The following MAJIN variants were observed in gnomAD, a reference collection of about 807,000 sequenced individuals.
MAJIN encodes the protein membrane-anchored junction protein.
In MAJIN, 27 loss-of-function variants were observed where a neutral mutation model predicts 30.2. That is an observed-to-expected ratio of 0.89 (90% confidence interval 0.66 to 1.23). The LOEUF (loss-of-function observed/expected upper bound fraction) is 1.23. MAJIN is among the 50% of genes most tolerant of loss of function. The pLI is 0.00. For missense variants in MAJIN, 253 were observed against 260.3 expected, an observed-to-expected ratio of 0.97 and a Z score of 0.19; for synonymous variants, 78 against 91.6, an observed-to-expected ratio of 0.85 and a Z score of 0.85.
chr11:64,951,396 A>G (rs1020940640), intron 4 of MAJIN, among the ~76,000 whole-genome samples: 1 of 152,134 alleles, frequency 6.6e-6, no homozygotes, highest in Non-Finnish European at 1.5e-5. Context: ...TTCTGTGGGG[A>G]AAAAAGTCTC....
Position 64,952,348 on chromosome 11 carries a change from T to C in MAJIN, c.148-1918A>G, listed in dbSNP as rs1487256657. ...GATTACAGGTGCCTGCCACCACACC[T>C]GGCTAACTTTTGTATTTTTGGTAGA... is the stretch of plus-strand genomic sequence containing the variant. On this transcript the variant is annotated intron_variant, in intron 4 of 10. Transcript: ENST00000301896. 6.6e-5 allele frequency among the ~76,000 whole-genome samples: 10 copies of C among 151,372 alleles called. No individual in the cohort carries two copies. In the East Asian group the frequency reaches 2.0e-3, roughly 30 times the overall value.
chr11:64,947,484 G>T lies in MAJIN; in HGVS notation c.382-19C>A, dbSNP rs756792492. 1.4e-5 allele frequency: 23 copies of T among 1,601,574 alleles called. No homozygotes were observed. Among genetic ancestry groups the T allele is most frequent in the Middle Eastern group, 3.3e-4 (2 of 6,056 alleles). Reference sequence around the variant, plus strand: ...CTGGGACCTTCAGGAGGAAGCAGATGCCTGTGACTCCTCCTTTCCAGAGTT... The same window carrying T: ...CTGGGACCTTCAGGAGGAAGCAGATTCCTGTGACTCCTCCTTTCCAGAGTT... On this transcript the variant is annotated intron_variant, in intron 7 of 10. Transcript: ENST00000301896.
chr11:64,949,623 T>C (rs1001107354), intron 6 of MAJIN, 120 bp downstream of exon 6: 5 of 1,295,290 alleles, frequency 3.9e-6, no homozygotes, highest in East Asian at 2.3e-5. Context: ...CTGGAGCACA[T>C]GATCCTGACC....
At chr11:64,961,113 A>G (rs1435101625) in intron 1 of MAJIN, among the ~76,000 whole-genome samples, 1 of 151,636 alleles carries the variant, frequency 6.6e-6, no homozygotes. Flanking sequence ...TTAGACTTAC[A>G]TTGCTGCCAC....
At chr11:64,951,006 C>T (rs1230258514) in intron 4 of MAJIN, among the ~76,000 whole-genome samples, 1 of 152,180 alleles carries the variant, frequency 6.6e-6, no homozygotes, top group African/African-American at 2.4e-5. Flanking sequence ...GGCATCTCCT[C>T]CAGAAATCTT....
At chr11:64,961,768 G>T (rs1018001205) in intron 1 of MAJIN, among the ~76,000 whole-genome samples, 1 of 149,630 alleles carries the variant, frequency 6.7e-6, no homozygotes, top group African/African-American at 2.5e-5. Flanking sequence ...GAGCCACTGC[G>T]CCTGGCTCTT....
In MAJIN at chr11:64,938,544, C is replaced by T. The variant is rs2136702998; in HGVS notation, c.*31G>A. 1 of 1,535,902 alleles carries T rather than the reference C, an allele frequency of 6.5e-7. No homozygotes were observed. The highest frequency in any genetic ancestry group is 1.2e-5 in the South Asian group (1 of 84,054). On this transcript the variant is annotated 3_prime_UTR_variant, in exon 11 of 11. Coordinates refer to ENST00000301896, the MANE Select transcript of MAJIN (RefSeq NM_001037225.3). Reference sequence around the variant, plus strand: ...GAAGGCTCAAGAGTGGCTGCTCTTCCTGAAGAAATATCGAAACGGGAAGAG... The same window carrying T: ...GAAGGCTCAAGAGTGGCTGCTCTTCTTGAAGAAATATCGAAACGGGAAGAG...
In MAJIN at chr11:64,947,398, G is replaced by A. The variant is rs1565125291; in HGVS notation, c.449C>T (p.Ser150Phe). ...CCTGTCCAGCCCTGGCCTGCTGGGG[G>A]AGCTGGGCTCGTCCATGTGTTTTCG... ...RKRKHMDEPS[S>F]PSRPGLDRIG... The change falls in exon 8 of 11, where the codon TCC becomes TTC. Residue 150 changes from serine (S) to phenylalanine (F), a missense_variant. Coordinates refer to ENST00000301896, the MANE Select transcript of MAJIN (RefSeq NM_001037225.3). 1 of 1,613,646 alleles carries A rather than the reference G, an allele frequency of 6.2e-7. No homozygotes were observed. The highest frequency in any genetic ancestry group is 8.5e-7 in the Non-Finnish European group (1 of 1,180,036).
intron 4 of MAJIN, 148 bp from the exon 5 acceptor site, chr11:64,950,578 TTTTCTTTC>T: frequency 2.0e-5 from 12 of 599,500 alleles, no homozygotes; most frequent in Non-Finnish European, 3.2e-5. Context: ...CTCCATTTCT[TTTTCTTTC>T]TTTCTTTCTT....
intron 1 of MAJIN, among the ~76,000 whole-genome samples, chr11:64,960,424 C>T (rs1945704573): frequency 6.6e-6 from 1 of 152,148 alleles, no homozygotes; most frequent in African/African-American, 2.4e-5. Context: ...AGTTTAATCT[C>T]ACTTAATCCT....
At chr11:64,962,231 T>G (rs149723884) in intron 1 of MAJIN, among the ~76,000 whole-genome samples, 189 of 152,364 alleles carry the variant, frequency 1.2e-3, no homozygotes, top group African/African-American at 4.3e-3. Context: ...CAGCTGGCTG[T>G]CTGAAAGAAG....
intron 8 of MAJIN, among the ~76,000 whole-genome samples, chr11:64,941,882 G>A (rs1304502826): frequency 2.0e-5 from 3 of 152,170 alleles, no homozygotes; most frequent in Non-Finnish European, 4.4e-5. Flanking sequence ...CATGATGTAT[G>A]AGGGTACAGT....
At position 64,959,499 on chromosome 11, in the gene MAJIN, T is replaced by C. The variant is rs1945690575; in HGVS notation, c.-17-77A>G. The C allele has an allele frequency of 2.6e-5, 29 of 1,103,162 alleles. No homozygotes were observed. The South Asian group carries it at 3.9e-4, about 15-fold the overall frequency. 68.3% of individuals were successfully genotyped at this position (1,103,162 alleles called of 1,614,324 possible). A position where few individuals can be genotyped will look rare whatever the true frequency, so the allele number is the denominator to read the frequency against. Reference sequence around the variant, plus strand: ...TACAGGAAAGGGAACCTGCCCAATCTGTAACATCTCTTCATGAGTAAAATG... The same window carrying C: ...TACAGGAAAGGGAACCTGCCCAATCCGTAACATCTCTTCATGAGTAAAATG... On this transcript the variant is annotated intron_variant, in intron 2 of 10. Coordinates refer to ENST00000301896, the MANE Select transcript of MAJIN (RefSeq NM_001037225.3).
Position 64,947,401 on chromosome 11 carries a change from C to A in MAJIN, c.446G>T (p.Ser149Ile). The A allele has an allele frequency of 6.2e-7, 1 of 1,613,660 alleles. No homozygotes were observed. Among genetic ancestry groups the A allele is most frequent in the Non-Finnish European group, 8.5e-7 (1 of 1,180,022 alleles). The stretch of plus-strand genomic sequence containing the variant: ...GTCCAGCCCTGGCCTGCTGGGGGAG[C>A]TGGGCTCGTCCATGTGTTTTCGTTT... ...MRKRKHMDEP[S>I]SPSRPGLDRI... The change falls in exon 8 of 11, where the codon AGC becomes ATC. Residue 149 changes from serine to isoleucine, a missense_variant. By Grantham distance (142) the Ser-to-Ile change is moderately radical (BLOSUM62 -2). Transcript: ENST00000301896.
At position 64,948,801 on chromosome 11, in the gene MAJIN, C is replaced by T. The variant is rs183086767; in HGVS notation, c.349+942G>A. Among the ~76,000 whole-genome samples the T allele has an allele frequency of 3.4e-5, 5 of 147,654 alleles. 1 individual carries two copies. The East Asian group carries it at 6.1e-4, about 18-fold the overall frequency. ...CTTCCTGAGTAGCTGGGATTAGAGGCGCACACCACCACGCCTGGCTAAATT... is the reference window on the plus strand; with the variant it reads ...CTTCCTGAGTAGCTGGGATTAGAGGTGCACACCACCACGCCTGGCTAAATT... On this transcript the variant is annotated intron_variant, in intron 6 of 10. Transcript: ENST00000301896.
intron 2 of MAJIN, 67 bp from the exon 3 acceptor site, chr11:64,959,489 C>G (rs1376441514): frequency 4.9e-6 from 6 of 1,229,786 alleles, no homozygotes; most frequent in Non-Finnish European, 5.9e-6. Flanking sequence ...GAAAGGGAAC[C>G]TGCCCAATCT....
rs58387921 is a variant in MAJIN, at chr11:64,966,145, G to GAAAAAAAAAAA, written c.-65+5721_-65+5731dup. On this transcript the variant is annotated intron_variant, in intron 1 of 10. Transcript: ENST00000301896. The stretch of plus-strand genomic sequence containing the variant: ...ACATGTAAGGAAGAAGATTAAAAAT[G>GAAAAAAAAAAA]AAAAAAAAAAAAAAAAAAAAGCAGC... Among the ~76,000 whole-genome samples, 102 of 57,114 alleles carry GAAAAAAAAAAA rather than the reference G, an allele frequency of 1.8e-3. 16 individuals are homozygous for GAAAAAAAAAAA. Among genetic ancestry groups the GAAAAAAAAAAA allele is most frequent in the Non-Finnish European group, 2.1e-3 (70 of 33,440 alleles). The allele number at this position is 57,114 out of a possible 152,430, so 37.5% of individuals were successfully genotyped here.
At chr11:64,940,161 C>T (rs1372251859) in intron 9 of MAJIN, among the ~76,000 whole-genome samples, 1 of 152,190 alleles carries the variant, frequency 6.6e-6, no homozygotes, top group Non-Finnish European at 1.5e-5. Context: ...GACATGCATT[C>T]CCAGCCCTTG....
chr11:64,944,356 C>T (rs867672318), intron 8 of MAJIN, among the ~76,000 whole-genome samples: 4 of 152,204 alleles, frequency 2.6e-5, no homozygotes, highest in Non-Finnish European at 5.9e-5. Flanking sequence ...TTCCTTCTAC[C>T]CCTGCACATG....
Sources: gnomAD v4.1 joint callset for allele counts (sites outside exome capture counted in the v4.1 genomes callset) on GRCh38, gnomAD v4.1.1 for gene constraint, MANE v1.5 for transcripts, NCBI Gene and HGNC (gene_info 2026-07-23, HGNC 2026-07-21) for gene names.